Variants in EYS observed in about 807,000 individuals in gnomAD.
EYS encodes EGF-like photoreceptor maintenance factor, also known as protein eyes shut homolog.
EYS carries 250 observed loss-of-function variants against 282.1 expected under a neutral mutation model. That is an observed-to-expected ratio of 0.89 (90% CI 0.80 to 0.98). The LOEUF (loss-of-function observed/expected upper bound fraction) is 0.98, where lower values mean the gene tolerates loss of function less well. EYS is among the 50% of genes least tolerant of loss of function. The pLI, the probability that EYS is intolerant of heterozygous loss-of-function variation, is 0.00. For synonymous variants in EYS, 1,355 were observed against 1,282.9 expected (o/e 1.06, Z -1.20); for missense variants, 4,016 against 3,709.0 (o/e 1.08, Z -2.15).
chr6:63,901,740 G>A (rs1363759103), intron 35 of EYS, among the ~76,000 whole-genome samples: 2 of 151,722 alleles, frequency 1.3e-5, no homozygotes, highest in African/African-American at 2.4e-5. Context: ...TCCCTTATCC[G>A]ACATGTTTGG....
intron 22 of EYS, among the ~76,000 whole-genome samples, chr6:64,811,780 G>A (rs1313099491): frequency 1.3e-5 from 2 of 152,060 alleles, no homozygotes; most frequent in African/African-American, 4.8e-5. Context: ...AGATGCCTAT[G>A]CCATGCTCTT....
chr6:65,054,485 G>A (rs950272790), intron 13 of EYS, among the ~76,000 whole-genome samples: 11 of 151,866 alleles, frequency 7.2e-5, no homozygotes, highest in African/African-American at 2.2e-4. Context: ...ATTCATTCAC[G>A]TGGTCTCATC....
chr6:64,787,330 G>C (rs905520724), intron 22 of EYS, among the ~76,000 whole-genome samples: 4 of 152,118 alleles, frequency 2.6e-5, no homozygotes, highest in African/African-American at 9.7e-5. Flanking sequence ...GATTGTTTGG[G>C]TGGTATAAAA....
intron 35 of EYS, among the ~76,000 whole-genome samples, chr6:63,948,592 C>T (rs1363412760): frequency 6.7e-6 from 1 of 148,794 alleles, no homozygotes; most frequent in Non-Finnish European, 1.5e-5. Context: ...TCTCTCTCTC[C>T]CTGATTTCCT....
chr6:65,684,348 A>T (rs1768931729), intron 1 of EYS, among the ~76,000 whole-genome samples: 1 of 152,020 alleles, frequency 6.6e-6, no homozygotes, highest in Non-Finnish European at 1.5e-5. Context: ...ATAGGCTATA[A>T]AGAAAGCTGT....
intron 34 of EYS, among the ~76,000 whole-genome samples, chr6:63,990,165 A>T (rs1394142365): frequency 6.6e-6 from 1 of 151,720 alleles, no homozygotes; most frequent in Non-Finnish European, 1.5e-5. Context: ...GGGGAATTAA[A>T]TAATAAAAAA....
intron 26 of EYS, among the ~76,000 whole-genome samples, chr6:64,509,948 T>C (rs1777332017): frequency 1.3e-5 from 2 of 152,288 alleles, no homozygotes; most frequent in East Asian, 3.9e-4. Flanking sequence ...TTTCTTACAA[T>C]AAATATTGGG....
chr6:64,907,082 C>T (rs1262832574), intron 16 of EYS, among the ~76,000 whole-genome samples: 1 of 152,032 alleles, frequency 6.6e-6, no homozygotes, highest in African/African-American at 2.4e-5. Context: ...AGACAAGGTC[C>T]TGCTCTGTTG....
At chr6:64,940,639 T>A (rs1023508502) in intron 15 of EYS, among the ~76,000 whole-genome samples, 1 of 152,056 alleles carries the variant, frequency 6.6e-6, no homozygotes, top group African/African-American at 2.4e-5. Context: ...TTTTTATATA[T>A]CTTTAACTAA....
chr6:65,275,822 A>G (rs149051125), intron 12 of EYS, among the ~76,000 whole-genome samples: 17 of 152,182 alleles, frequency 1.1e-4, no homozygotes, highest in East Asian at 9.6e-4. Flanking sequence ...AAACATTGTC[A>G]TCACAGAAGG....
intron 22 of EYS, among the ~76,000 whole-genome samples, chr6:64,641,589 C>T (rs1309345117): frequency 6.6e-6 from 1 of 152,114 alleles, no homozygotes; most frequent in African/African-American, 2.4e-5. Flanking sequence ...GGGTGAATTT[C>T]ACTTTGAGAT....
chr6:64,554,455 G>A (rs1312678315), intron 26 of EYS, among the ~76,000 whole-genome samples: 1 of 151,892 alleles, frequency 6.6e-6, no homozygotes, highest in Non-Finnish European at 1.5e-5. Context: ...GAATAACAAT[G>A]ACAAATTAGA....
intron 23 of EYS, among the ~76,000 whole-genome samples, chr6:64,620,517 T>G (rs1258018406): frequency 2.0e-5 from 3 of 152,142 alleles, no homozygotes; most frequent in African/African-American, 7.2e-5. Flanking sequence ...AAGTTGTAGT[T>G]TTCAATACTC....
In EYS at chr6:65,199,877, C is replaced by T. The variant is rs142672152; in HGVS notation, c.2023+95986G>A. On this transcript the variant is annotated intron_variant, in intron 12 of 42. Transcript: ENST00000503581. ...AGAGTGACTGGAGATGAGGTTGAAA[C>T]AGGAAACGTCCTAGATTGCGAAAAC... Among the ~76,000 whole-genome samples the T allele has an allele frequency of 2.1e-3, 327 of 152,152 alleles. 4 individuals carry two copies. The highest frequency in any genetic ancestry group is 7.5e-3 in the African/African-American group (311 of 41,546).
chr6:64,399,695 T>C (rs939882813), intron 28 of EYS, among the ~76,000 whole-genome samples: 3 of 151,934 alleles, frequency 2.0e-5, no homozygotes, highest in African/African-American at 7.2e-5. Context: ...ATTTTTTTAA[T>C]ATAAGTTTTC....
chr6:65,288,639 C>A (rs1456823527), intron 12 of EYS, among the ~76,000 whole-genome samples: 1 of 150,840 alleles, frequency 6.6e-6, no homozygotes, highest in Non-Finnish European at 1.5e-5. Context: ...ATACATATGG[C>A]AAAAGACACT....
chr6:64,291,149 A>C (rs555612670), intron 30 of EYS, among the ~76,000 whole-genome samples: 1 of 151,770 alleles, frequency 6.6e-6, no homozygotes, highest in South Asian at 2.1e-4. Context: ...GTAAATACCA[A>C]AAGCAGATAT....
chr6:64,259,148 T>C (rs1178939672), intron 30 of EYS, among the ~76,000 whole-genome samples: 4 of 152,066 alleles, frequency 2.6e-5, no homozygotes, highest in African/African-American at 9.7e-5. Context: ...GGAGCAAATA[T>C]TGTAACCAGA....
At chr6:64,413,595 A>C (rs1773976429) in intron 28 of EYS, among the ~76,000 whole-genome samples, 1 of 151,988 alleles carries the variant, frequency 6.6e-6, no homozygotes, top group Non-Finnish European at 1.5e-5. Context: ...CCAAAAAAAA[A>C]CAGTATCAGG....
Sources: allele counts gnomAD v4.1 joint callset (sites outside exome capture counted in the v4.1 genomes callset), GRCh38; gene constraint gnomAD v4.1.1; transcripts MANE v1.5; gene names NCBI Gene and HGNC (gene_info 2026-07-23, HGNC 2026-07-21).